The following VEZT variants were observed in gnomAD, a reference collection of about 807,000 sequenced individuals.
VEZT encodes vezatin.
A neutral mutation model predicts 79.9 loss-of-function variants in VEZT; 39 were observed. The observed-to-expected ratio is 0.49, with a 90% confidence interval of 0.38 to 0.64. The LOEUF is 0.64. Ranked by LOEUF, VEZT falls within the 30% of genes least tolerant of loss-of-function variation. The pLI, the probability that VEZT is intolerant of heterozygous loss-of-function variation, is 0.00. For synonymous variants in VEZT, 325 were observed against 327.6 expected, an observed-to-expected ratio of 0.99 and a Z score of 0.09; for missense variants, 837 against 893.1, an observed-to-expected ratio of 0.94 and a Z score of 0.80.
intron 3 of VEZT, among the ~76,000 whole-genome samples, chr12:95,261,174 A>G (rs2064404938): frequency 1.3e-5 from 2 of 152,170 alleles, no homozygotes; most frequent in Admixed American, 6.6e-5. Flanking sequence ...TCATGGGCTC[A>G]GTTTGATATA....
chr12:95,281,028 A>G (rs2068956317), intron 7 of VEZT, among the ~76,000 whole-genome samples: 5 of 152,186 alleles, frequency 3.3e-5, no homozygotes, highest in African/African-American at 1.2e-4. Context: ...AAAACCATCT[A>G]AATACTGTCT....
intron 6 of VEZT, 69 bp downstream of exon 6, chr12:95,270,257 G>C: frequency 6.9e-7 from 1 of 1,446,782 alleles, no homozygotes; most frequent in Non-Finnish European, 9.2e-7. Flanking sequence ...TATTATAGTT[G>C]TATCCTGTGA....
chr12:95,266,265 C>T, intron 4 of VEZT, 92 bp from the exon 5 acceptor site: 1 of 1,342,208 alleles, frequency 7.5e-7, no homozygotes, highest in Non-Finnish European at 1.0e-6. Flanking sequence ...ATTTAGTAAA[C>T]CTAAATTTAA....
Position 95,301,626 on chromosome 12 carries a change from T to G in VEZT, c.*953T>G, listed in dbSNP as rs1318196348. 1.3e-5 allele frequency: 2 copies of G among 152,186 alleles called. No homozygotes were observed. The highest frequency in any genetic ancestry group is 4.8e-5 in the African/African-American group (2 of 41,416). 9.4% of individuals were successfully genotyped at this position (152,186 alleles called of 1,614,324 possible). A position where few individuals can be genotyped will look rare whatever the true frequency, so the allele number is the denominator to read the frequency against. ...GCTTTTCAAATTGGCCAATCTTACC[T>G]GTTTTGTGTTGTGATTGCATTTTCA... On this transcript the variant is annotated 3_prime_UTR_variant, in exon 12 of 12. Transcript: ENST00000436874.
At chr12:95,257,032 A>G in intron 2 of VEZT, 118 bp from the exon 3 acceptor site, 1 of 826,948 alleles carries the variant, frequency 1.2e-6, no homozygotes, top group East Asian at 2.8e-5. Context: ...AACCTGGACA[A>G]TTTTTTTCTT....
intron 1 of VEZT, chr12:95,245,679 CTAA>C (rs1250866196): frequency 2.5e-6 from 1 of 399,580 alleles, no homozygotes; most frequent in African/African-American, 2.1e-5. Flanking sequence ...AAGAGTGAAG[CTAA>C]TAATAAAAGC....
intron 1 of VEZT, chr12:95,242,016 T>A (rs2137359928): frequency 6.6e-6 from 1 of 152,326 alleles, no homozygotes; most frequent in South Asian, 2.1e-4. Flanking sequence ...AAATACTTGC[T>A]CATCATTTTC....
intron 7 of VEZT, among the ~76,000 whole-genome samples, chr12:95,278,561 A>T (rs1182491296): frequency 6.6e-6 from 1 of 152,192 alleles, no homozygotes; most frequent in Non-Finnish European, 1.5e-5. Context: ...CAGATAAGAA[A>T]TTTAAAAATA....
At position 95,294,334 on chromosome 12, in the gene VEZT, C is replaced by G; in HGVS notation, c.1585C>G (p.Leu529Val). ...AGTAGTACCTTTGAAGCAGCCTACT[C>G]TACACATTGCAGACAAAGATCCAAT... ...CTVVPLKQPT[L>V]HIADKDPIPE... Residue 529 changes from leucine to valine, a missense_variant, in exon 10 of 12, where the codon CTA (leucine) becomes GTA (valine). By Grantham distance (32) the Leu-to-Val change is conservative (BLOSUM62 1). Coordinates refer to ENST00000436874, the MANE Select transcript of VEZT (RefSeq NM_017599.4). The G allele has an allele frequency of 6.3e-7, 1 of 1,590,224 alleles. No homozygotes were observed. Among genetic ancestry groups the G allele is most frequent in the Non-Finnish European group, 8.6e-7 (1 of 1,167,742 alleles).
chr12:95,222,578 A>G (rs2057788288), intron 1 of VEZT, among the ~76,000 whole-genome samples: 1 of 152,160 alleles, frequency 6.6e-6, no homozygotes, highest in African/African-American at 2.4e-5. Flanking sequence ...ATCTGATAGC[A>G]TAAGACCCTT....
In VEZT at chr12:95,237,936, T is replaced by A. The variant is rs767696900; in HGVS notation, c.37-14004T>A. Among the ~76,000 whole-genome samples the A allele has an allele frequency of 7.9e-5, 12 of 152,328 alleles. No homozygotes were observed. The South Asian group carries it at 1.0e-3, about 13-fold the overall frequency. ...GAGAAAAAAGTCTGTATTGGTATGTTCCCAGATTCTGTAGCTTCTATGAAA... is the reference window on the plus strand; with the variant it reads ...GAGAAAAAAGTCTGTATTGGTATGTACCCAGATTCTGTAGCTTCTATGAAA... On this transcript the variant is annotated intron_variant, in intron 1 of 11. Transcript: ENST00000436874.
chr12:95,235,889 T>C (rs1043667755), intron 1 of VEZT, among the ~76,000 whole-genome samples: 1 of 148,228 alleles, frequency 6.7e-6, no homozygotes, highest in Non-Finnish European at 1.5e-5. Flanking sequence ...GCTCCCCACA[T>C]CTCAGACGAT....
At chr12:95,280,479 TACACACACAC>T (rs34219058) in intron 7 of VEZT, among the ~76,000 whole-genome samples, 47 of 117,870 alleles carry the variant, frequency 4.0e-4, no homozygotes, top group African/African-American at 1.4e-3. Flanking sequence ...TACACACACA[TACACACACAC>T]ACACACACAC....
intron 1 of VEZT, among the ~76,000 whole-genome samples, chr12:95,249,307 T>A (rs2062153816): frequency 6.6e-6 from 1 of 152,216 alleles, no homozygotes; most frequent in Admixed American, 6.5e-5. Context: ...AATGTTTTTT[T>A]TTAAAGTATG....
At chr12:95,264,251 A>G (rs1218295040) in intron 4 of VEZT, among the ~76,000 whole-genome samples, 1 of 152,188 alleles carries the variant, frequency 6.6e-6, no homozygotes, top group Non-Finnish European at 1.5e-5. Flanking sequence ...AAGGAACCAT[A>G]GGTTTTAAGA....
intron 6 of VEZT, among the ~76,000 whole-genome samples, chr12:95,271,381 A>G (rs1432446057): frequency 2.0e-5 from 3 of 152,196 alleles, no homozygotes; most frequent in Non-Finnish European, 4.4e-5. Context: ...AATGTGATCA[A>G]TAGAGAAATC....
At chr12:95,274,697 T>C in intron 6 of VEZT, 45 bp from the exon 7 acceptor site, 2 of 1,571,868 alleles carry the variant, frequency 1.3e-6, no homozygotes, top group Non-Finnish European at 1.7e-6. Context: ...GTATCTTTTA[T>C]GCTTTCATGA....
chr12:95,298,034 C>T lies in VEZT; in HGVS notation c.1831+1776C>T, dbSNP rs576442592. Among the ~76,000 whole-genome samples, 9 of 152,104 alleles carry T rather than the reference C, an allele frequency of 5.9e-5. 1 individual carries two copies. The Middle Eastern group carries it at 0.014, about 232-fold the overall frequency. ...GCTCTGGAGGCTGAGGCAGGAGAAT[C>T]GCTTGAACCTGGGAGGTGGAGGTTG... On this transcript the variant is annotated intron_variant, in intron 11 of 11. Coordinates refer to ENST00000436874, the MANE Select transcript of VEZT (RefSeq NM_017599.4).
chr12:95,255,948 A>G (rs1172461315), intron 2 of VEZT, among the ~76,000 whole-genome samples: 3 of 151,856 alleles, frequency 2.0e-5, no homozygotes, highest in African/African-American at 7.3e-5. Context: ...TTCCTTACTA[A>G]TCCCTTCTTC....
Sources: allele counts gnomAD v4.1 joint callset (sites outside exome capture counted in the v4.1 genomes callset), GRCh38; gene constraint gnomAD v4.1.1; transcripts MANE v1.5; gene names NCBI Gene and HGNC (gene_info 2026-07-23, HGNC 2026-07-21).